The following DACH2 variants were observed in gnomAD, a reference collection of about 807,000 sequenced individuals.
DACH2 encodes the protein dachshund homolog 2.
A neutral mutation model predicts 35.8 loss-of-function variants in DACH2; 17 were observed. That is an observed-to-expected ratio of 0.48 (90% CI 0.33 to 0.71). The LOEUF (loss-of-function observed/expected upper bound fraction) is 0.71. DACH2 is among the 30% of genes least tolerant of loss of function. The probability of loss-of-function intolerance (pLI) is 0.02; values close to 1 mark genes in which losing one functional copy is unlikely to be tolerated. For synonymous variants in DACH2, 195 were observed against 177.3 expected (o/e 1.10, Z -0.79); for missense variants, 469 against 472.7 (o/e 0.99, Z 0.07).
intron 1 of DACH2, among the ~76,000 whole-genome samples, chrX:86,363,494 G>A (rs923064026): frequency 1.8e-5 from 2 of 111,374 alleles, no homozygotes; most frequent in African/African-American, 6.5e-5. Context: ...AACATGATAA[G>A]TTTCATAATT....
At chrX:86,689,500 A>G (rs2040986659) in intron 4 of DACH2, among the ~76,000 whole-genome samples, 1 of 111,858 alleles carries the variant, frequency 8.9e-6, no homozygotes, top group African/African-American at 3.2e-5. Flanking sequence ...TTTTTCTACT[A>G]CAAAATGCTT....
At chrX:86,383,448 T>C (rs538300948) in intron 2 of DACH2, among the ~76,000 whole-genome samples, 1 of 105,576 alleles carries the variant, frequency 9.5e-6, no homozygotes, top group African/African-American at 3.4e-5. Context: ...CTACTCCCTA[T>C]TGAGTATCCC....
intron 3 of DACH2, among the ~76,000 whole-genome samples, chrX:86,611,396 ATCCC>A (rs1287033691): frequency 2.2e-4 from 24 of 109,934 alleles, no homozygotes; most frequent in Admixed American, 1.7e-3. Flanking sequence ...AGGTGGCACA[ATCCC>A]TCCCTTATCC....
intron 1 of DACH2, among the ~76,000 whole-genome samples, chrX:86,375,885 A>G (rs2035958324): frequency 9.0e-6 from 1 of 110,510 alleles, no homozygotes; most frequent in Non-Finnish European, 1.9e-5. Flanking sequence ...TGTAGTGGGC[A>G]TTATAGGAAG....
chrX:86,640,847 C>T (rs1172096872), intron 3 of DACH2, among the ~76,000 whole-genome samples: 1 of 111,954 alleles, frequency 8.9e-6, no homozygotes, highest in East Asian at 2.8e-4. Flanking sequence ...CAATACTTTA[C>T]TAACATTTCC....
At chrX:86,279,925 G>A (rs1236260293) in intron 1 of DACH2, among the ~76,000 whole-genome samples, 4 of 107,520 alleles carry the variant, frequency 3.7e-5, no homozygotes, top group African/African-American at 1.3e-4. Context: ...ATCAGAGATT[G>A]AAGATCAACT....
chrX:86,484,213 A>AGAT (rs763918844), intron 2 of DACH2, among the ~76,000 whole-genome samples: 187 of 111,913 alleles, frequency 1.7e-3, no homozygotes, highest in African/African-American at 5.8e-3. Flanking sequence ...ATTTGCATCA[A>AGAT]GATTAAGTAA....
chrX:86,802,528 GAAAAAAAAA>G (rs34700295), intron 7 of DACH2, among the ~76,000 whole-genome samples: 1 of 63,179 alleles, frequency 1.6e-5, no homozygotes, highest in East Asian at 6.5e-4. Flanking sequence ...TTTCTTGGTT[GAAAAAAAAA>G]AAAAAAAAAA....
At chrX:86,636,507 C>T (rs55779693) in intron 3 of DACH2, among the ~76,000 whole-genome samples, 13,757 of 110,528 alleles carry the variant, frequency 0.12, 748 homozygotes, top group East Asian at 0.32. Context: ...GGTATAAAAA[C>T]AGACACATAG....
chrX:86,443,783 A>G (rs2037211754), intron 2 of DACH2, among the ~76,000 whole-genome samples: 1 of 111,948 alleles, frequency 8.9e-6, no homozygotes, highest in African/African-American at 3.2e-5. Context: ...ACATTTTGTT[A>G]ATGAGATTTA....
At chrX:86,290,636 C>T (rs1198993770) in intron 1 of DACH2, among the ~76,000 whole-genome samples, 6 of 108,187 alleles carry the variant, frequency 5.5e-5, no homozygotes, top group African/African-American at 2.1e-4. Flanking sequence ...CAGCTTTCTG[C>T]ATATGGCTAG....
At chrX:86,664,459 C>T (rs1190298308) in intron 4 of DACH2, among the ~76,000 whole-genome samples, 1 of 111,284 alleles carries the variant, frequency 9.0e-6, no homozygotes, top group South Asian at 3.8e-4. Flanking sequence ...TGTTGTTCTA[C>T]CTCTTTTTCC....
At chrX:86,421,532 T>A (rs922864427) in intron 2 of DACH2, among the ~76,000 whole-genome samples, 1 of 111,452 alleles carries the variant, frequency 9.0e-6, no homozygotes, top group African/African-American at 3.3e-5. Flanking sequence ...GAAGAGAACT[T>A]GGTAGAAAAA....
chrX:86,664,928 TG>T (rs1414238643), intron 4 of DACH2, among the ~76,000 whole-genome samples: 2 of 111,815 alleles, frequency 1.8e-5, no homozygotes, highest in African/African-American at 6.5e-5. Context: ...AAAAGCAAAA[TG>T]CCTAGGCTGT....
At chrX:86,638,072 C>G (rs138416888) in intron 3 of DACH2, among the ~76,000 whole-genome samples, 10,314 of 110,769 alleles carry the variant, frequency 0.093, 493 homozygotes, top group African/African-American at 0.17. Flanking sequence ...ACACAGAGAT[C>G]AGTGGAACAG....
At chrX:86,416,730 G>A (rs1401353540) in intron 2 of DACH2, among the ~76,000 whole-genome samples, 1 of 110,921 alleles carries the variant, frequency 9.0e-6, no homozygotes, top group Admixed American at 9.6e-5. Flanking sequence ...AGAAGGCAAA[G>A]GGGAGCAGAC....
At chrX:86,304,819 C>G (rs2034648057) in intron 1 of DACH2, 1 of 150,479 alleles carries the variant, frequency 6.6e-6, no homozygotes, top group South Asian at 1.6e-4. Context: ...CCCAGAGGCA[C>G]AGAGAAGACC....
chrX:86,477,236 G>A (rs2037857052), intron 2 of DACH2, among the ~76,000 whole-genome samples: 1 of 107,018 alleles, frequency 9.3e-6, no homozygotes, highest in Non-Finnish European at 1.9e-5. Context: ...GCTGAAAGTG[G>A]AATGTTTATT....
chrX:86,421,515 G>T (rs139264726), intron 2 of DACH2, among the ~76,000 whole-genome samples: 1 of 111,309 alleles, frequency 9.0e-6, no homozygotes, highest in Non-Finnish European at 1.9e-5. Flanking sequence ...AGCAAACACG[G>T]TTTTTGGAAG....
Sources: allele counts gnomAD v4.1 joint callset (sites outside exome capture counted in the v4.1 genomes callset), GRCh38; gene constraint gnomAD v4.1.1; transcripts MANE v1.5; gene names NCBI Gene and HGNC (gene_info 2026-07-23, HGNC 2026-07-21).